FSTL4: variants seen among roughly 807,000 people sequenced by gnomAD.
The protein encoded by FSTL4 is follistatin-related protein 4.
Under a neutral mutation model 78.2 loss-of-function variants are expected in FSTL4, and 28 were observed. The observed-to-expected ratio is 0.36, with a 90% CI of 0.27 to 0.49. The LOEUF (loss-of-function observed/expected upper bound fraction) is 0.49, where lower values mean the gene tolerates loss of function less well. FSTL4 is among the 20% of genes least tolerant of loss of function. The pLI is 0.98. For missense variants in FSTL4, 922 were observed against 1,084.9 expected (o/e 0.85, Z 2.11); for synonymous variants, 422 against 440.5 (o/e 0.96, Z 0.53).
At chr5:133,819,555 T>C in the FSTL4 span, among the ~76,000 whole-genome samples, 1 of 152,182 alleles carries the variant, frequency 6.6e-6, no homozygotes, top group Non-Finnish European at 1.5e-5. Context: ...AGCATCTGTT[T>C]GTGTGCTCTT....
At chr5:133,486,725 T>C (rs1481000508) in intron 3 of FSTL4, among the ~76,000 whole-genome samples, 1 of 152,120 alleles carries the variant, frequency 6.6e-6, no homozygotes, top group Non-Finnish European at 1.5e-5. Context: ...TCTGAAGTGA[T>C]GGTCTCACAG....
At chr5:133,708,995 AT>A in the FSTL4 span, among the ~76,000 whole-genome samples, 1 of 152,224 alleles carries the variant, frequency 6.6e-6, no homozygotes, top group Non-Finnish European at 1.5e-5. Context: ...TTCAATAAAT[AT>A]CACCTATTAT....
the FSTL4 span, among the ~76,000 whole-genome samples, chr5:133,687,950 T>C: frequency 5.3e-4 from 80 of 152,268 alleles, 1 homozygote; most frequent in African/African-American, 1.9e-3. Context: ...CCCACTATGT[T>C]TGCATTCCTG....
At chr5:133,575,668 G>A (rs1561474784) in intron 2 of FSTL4, among the ~76,000 whole-genome samples, 1 of 152,186 alleles carries the variant, frequency 6.6e-6, no homozygotes, top group Non-Finnish European at 1.5e-5. Flanking sequence ...AAAAGCTGTA[G>A]CAGAAATGTA....
intron 3 of FSTL4, among the ~76,000 whole-genome samples, chr5:133,434,059 G>C (rs926719502): frequency 2.6e-5 from 4 of 152,108 alleles, no homozygotes; most frequent in Non-Finnish European, 5.9e-5. Context: ...GATTACTATG[G>C]CTATTGCATG....
intron 6 of FSTL4, among the ~76,000 whole-genome samples, chr5:133,293,979 T>C (rs1428966974): frequency 1.3e-5 from 2 of 152,188 alleles, no homozygotes; most frequent in East Asian, 3.9e-4. Context: ...CCATATTAGA[T>C]GGTCTGGAGC....
chr5:133,568,556 G>A (rs1185420837), intron 2 of FSTL4, among the ~76,000 whole-genome samples: 1 of 152,158 alleles, frequency 6.6e-6, no homozygotes, highest in East Asian at 1.9e-4. Flanking sequence ...GGAGATCAGT[G>A]GAAGATCCAT....
chr5:133,351,735 G>C (rs1754828358), intron 4 of FSTL4, among the ~76,000 whole-genome samples: 2 of 152,026 alleles, frequency 1.3e-5, no homozygotes, highest in African/African-American at 2.4e-5. Flanking sequence ...AGCCTCCCTA[G>C]TAGCTGGGCC....
intron 7 of FSTL4, among the ~76,000 whole-genome samples, chr5:133,239,133 A>G (rs1038491994): frequency 2.0e-5 from 3 of 152,154 alleles, no homozygotes; most frequent in Non-Finnish European, 4.4e-5. Context: ...CACCTGGGCC[A>G]GCAGCTGCTG....
the FSTL4 span, among the ~76,000 whole-genome samples, chr5:133,707,356 C>A: frequency 6.6e-6 from 1 of 152,210 alleles, no homozygotes; most frequent in East Asian, 1.9e-4. Flanking sequence ...TCCTCTGGAG[C>A]CTGCCAGCAG....
intron 3 of FSTL4, among the ~76,000 whole-genome samples, chr5:133,409,832 G>A (rs1216257017): frequency 6.6e-6 from 1 of 152,228 alleles, no homozygotes; most frequent in African/African-American, 2.4e-5. Context: ...AGTGGAAAGA[G>A]TGGAGACTGT....
chr5:133,783,704 C>G, the FSTL4 span, among the ~76,000 whole-genome samples: 1 of 152,208 alleles, frequency 6.6e-6, no homozygotes, highest in African/African-American at 2.4e-5. Flanking sequence ...TTGTGCTGCC[C>G]CGTCATTTCC....
chr5:133,229,538 G>A (rs1437731504), intron 8 of FSTL4, among the ~76,000 whole-genome samples: 1 of 151,882 alleles, frequency 6.6e-6, no homozygotes, highest in Non-Finnish European at 1.5e-5. Context: ...AAAAAAATCA[G>A]TTGGTCAGGG....
chr5:133,623,593 T>A, the FSTL4 span, among the ~76,000 whole-genome samples: 1 of 152,046 alleles, frequency 6.6e-6, no homozygotes, highest in Non-Finnish European at 1.5e-5. Flanking sequence ...GATTTGGCAA[T>A]GTATCCTTAG....
At chr5:133,345,115 C>T (rs1245048772) in intron 4 of FSTL4, among the ~76,000 whole-genome samples, 1 of 151,966 alleles carries the variant, frequency 6.6e-6, no homozygotes, top group African/African-American at 2.4e-5. Context: ...ACTACAGGGC[C>T]CCCACTTTTT....
rs533401406 is a variant in FSTL4, at chr5:133,469,394, T to A, written c.161-68408A>T. ...TCATAACCAGAGCTGCATTGAGATGTGGCTTTGGGAAAGGGATGAATGACA... is the reference window on the plus strand; with the variant it reads ...TCATAACCAGAGCTGCATTGAGATGAGGCTTTGGGAAAGGGATGAATGACA... On this transcript the variant is annotated intron_variant, in intron 3 of 15. Transcript: ENST00000265342. 2.0e-5 allele frequency among the ~76,000 whole-genome samples: 3 copies of A among 152,278 alleles called. No individual in the cohort carries two copies. In the East Asian group the frequency reaches 5.8e-4, roughly 29 times the overall value.
At chr5:133,492,613 G>C (rs1281174438) in intron 3 of FSTL4, among the ~76,000 whole-genome samples, 1 of 151,708 alleles carries the variant, frequency 6.6e-6, no homozygotes, top group South Asian at 2.1e-4. Context: ...TTTCTTCTTT[G>C]GTCACTTTTT....
At chr5:133,566,999 C>T (rs901468598) in intron 3 of FSTL4, among the ~76,000 whole-genome samples, 187 bp downstream of exon 3, 16 of 152,232 alleles carry the variant, frequency 1.1e-4, no homozygotes, top group Non-Finnish European at 2.4e-4. Flanking sequence ...ATAGTTTTCA[C>T]AAGCAAACCT....
the FSTL4 span, among the ~76,000 whole-genome samples, chr5:133,701,501 A>ACC: frequency 7.5e-6 from 1 of 132,970 alleles, no homozygotes. Flanking sequence ...ACACACACAC[A>ACC]CACACACACC....
Sources: allele counts gnomAD v4.1 joint callset (sites outside exome capture counted in the v4.1 genomes callset), GRCh38; gene constraint gnomAD v4.1.1; transcripts MANE v1.5; gene names NCBI Gene and HGNC (gene_info 2026-07-23, HGNC 2026-07-21).